OSBPL5: variants seen among roughly 807,000 people sequenced by gnomAD.
The protein encoded by OSBPL5 is oxysterol binding protein like 5.
Under a neutral mutation model 111.2 loss-of-function variants are expected in OSBPL5, and 71 were observed. The ratio of observed to expected loss-of-function variants is 0.64; its 90% CI spans 0.53 to 0.78. The LOEUF (loss-of-function observed/expected upper bound fraction) is 0.78, where lower values mean the gene tolerates loss of function less well. Among genes scored for constraint, OSBPL5 ranks in the 30% least tolerant of loss-of-function variants. The probability of loss-of-function intolerance (pLI) is 0.00; values close to 1 mark genes in which losing one functional copy is unlikely to be tolerated. For synonymous variants in OSBPL5, 549 were observed against 513.9 expected, an observed-to-expected ratio of 1.07 and a Z score of -0.93; for missense variants, 1,210 against 1,189.3, an observed-to-expected ratio of 1.02 and a Z score of -0.26.
At chr11:3,115,362 G>A (rs192080094) in intron 7 of OSBPL5, among the ~76,000 whole-genome samples, 346 of 152,164 alleles carry the variant, frequency 2.3e-3, no homozygotes, top group Non-Finnish European at 3.7e-3. Flanking sequence ...AAGTCCTTGC[G>A]ACATTGAGTT....
chr11:3,124,351 G>A (rs533316802), intron 3 of OSBPL5, among the ~76,000 whole-genome samples: 6 of 152,310 alleles, frequency 3.9e-5, no homozygotes, highest in African/African-American at 1.4e-4. Flanking sequence ...CTGACGATGA[G>A]TGATAAGGAG....
At position 3,092,538 on chromosome 11, in the gene OSBPL5, A is replaced by C; in HGVS notation, c.2153T>G (p.Leu718Arg). 6.3e-7 allele frequency: 1 copy of C among 1,590,456 alleles called. No homozygotes were observed. Among genetic ancestry groups the C allele is most frequent in the Non-Finnish European group, 8.6e-7 (1 of 1,168,574 alleles). ...TTGCTCAAACTGGGCGATGTCCTTC[A>C]GGGGGTCCCAGGGGCTGTGGCTGGA... ...RYEDHSPWDP[L>R]KDIAQFEQDG... Residue 718 changes from leucine (L) to arginine (R), a missense_variant, in exon 19 of 22, where the codon CTG (leucine) becomes CGG (arginine). Physicochemically the swap from Leu to Arg is moderately radical, Grantham distance 102. Transcript: ENST00000263650. This position sits in a 1 kb window ranked among gnomAD's most constrained non-coding sequence, Gnocchi z 5.4.
Position 3,092,852 on chromosome 11 carries a change from T to G in OSBPL5, c.2132+15A>C. ...AGCCCCACCCTGTGGCCCCCAGGGC[T>G]TTGTCGGCACTCACTCCTCGTATCG... On this transcript the variant is annotated intron_variant, in intron 18 of 21. Transcript: ENST00000263650. This position sits in a 1 kb window ranked among gnomAD's most constrained non-coding sequence, Gnocchi z 5.4. 6.6e-7 allele frequency: 1 copy of G among 1,516,710 alleles called. No homozygotes were observed. Among genetic ancestry groups the G allele is most frequent in the Non-Finnish European group, 8.9e-7 (1 of 1,124,142 alleles). The allele number at this position is 1,516,710 out of a possible 1,614,324, so 94.0% of individuals were successfully genotyped here.
chr11:3,095,536 C>T (rs2134391998), intron 14 of OSBPL5, among the ~76,000 whole-genome samples: 1 of 152,118 alleles, frequency 6.6e-6, no homozygotes, highest in East Asian at 1.9e-4. Context: ...CCTGAGCCAA[C>T]TATGGCCCCC....
At chr11:3,151,730 A>G (rs1846593734) in intron 1 of OSBPL5, among the ~76,000 whole-genome samples, 2 of 152,148 alleles carry the variant, frequency 1.3e-5, no homozygotes, top group African/African-American at 4.8e-5. Flanking sequence ...ATGGTCCATG[A>G]CTCGGCAGAT....
At position 3,105,730 on chromosome 11, in the gene OSBPL5, G is replaced by A. The variant is rs1364813504; in HGVS notation, c.1060-1353C>T. Among the ~76,000 whole-genome samples, 3 of 152,080 alleles carry A rather than the reference G, an allele frequency of 2.0e-5. No individual in the cohort carries two copies. The highest frequency in any genetic ancestry group is 3.2e-3 in the Middle Eastern group (1 of 316). ...CCTCTGTGAAGCCTTATCTGTGCTCGGCCTCTGAAGGTTGGGTGCCCGGGC... is the reference window on the plus strand; with the variant it reads ...CCTCTGTGAAGCCTTATCTGTGCTCAGCCTCTGAAGGTTGGGTGCCCGGGC... On this transcript the variant is annotated intron_variant, in intron 9 of 21. Coordinates refer to ENST00000263650, the MANE Select transcript of OSBPL5 (RefSeq NM_020896.4). The surrounding 1 kb of genome is among the most constrained non-coding windows in gnomAD (Gnocchi z 5.2).
chr11:3,149,900 C>T (rs1319476987), intron 1 of OSBPL5, among the ~76,000 whole-genome samples: 2 of 152,198 alleles, frequency 1.3e-5, no homozygotes, highest in East Asian at 3.9e-4. Context: ...CCTCTTTCAT[C>T]CTGACTGCTC....
chr11:3,151,542 G>A (rs1252086682), intron 1 of OSBPL5, among the ~76,000 whole-genome samples: 3 of 152,230 alleles, frequency 2.0e-5, no homozygotes, highest in East Asian at 1.9e-4. Flanking sequence ...TGCTGGGGGT[G>A]CATCCAAACC....
chr11:3,116,608 A>G (rs1376603530), intron 7 of OSBPL5, among the ~76,000 whole-genome samples: 1 of 152,186 alleles, frequency 6.6e-6, no homozygotes, highest in African/African-American at 2.4e-5. Flanking sequence ...TAATCCCAGC[A>G]CTTTGGGAGG....
intron 14 of OSBPL5, among the ~76,000 whole-genome samples, chr11:3,097,108 AG>A (rs1564824878): frequency 1.8e-4 from 3 of 16,568 alleles, no homozygotes; most frequent in Non-Finnish European, 4.6e-4. Context: ...GGAAGATGGG[AG>A]GAGGAGGAGA....
intron 20 of OSBPL5, 41 bp downstream of exon 20, chr11:3,090,517 C>T (rs1218846924): frequency 1.3e-6 from 2 of 1,598,810 alleles, no homozygotes; most frequent in Admixed American, 1.7e-5. Context: ...TGAGGCACCC[C>T]ACCAGACAGA....
chr11:3,151,673 ACT>A (rs1490824806), intron 1 of OSBPL5, among the ~76,000 whole-genome samples: 2 of 152,192 alleles, frequency 1.3e-5, no homozygotes, highest in Non-Finnish European at 2.9e-5. Flanking sequence ...CGCTGAACAC[ACT>A]GTCCTGGCGT....
intron 1 of OSBPL5, among the ~76,000 whole-genome samples, chr11:3,139,939 A>ACAGGAGCTCTTCC (rs1416747230): frequency 1.3e-5 from 2 of 152,320 alleles, no homozygotes; most frequent in African/African-American, 4.8e-5. Flanking sequence ...AAGGACACCA[A>ACAGGAGCTCTTCC]CAGGAGCTCT....
chr11:3,107,392 C>T lies in OSBPL5; in HGVS notation c.930G>A (p.Glu310=), dbSNP rs1282743409. ...FSDKSERENP[E]ESDTETQDHS... is the part of the protein sequence containing the mutation. ...GGTCCTGGGTCTCGGTATCTGACTCCTCAGGGTTCTCTCTCTCCGACTTGT... is the reference window on the plus strand; with the variant it reads ...GGTCCTGGGTCTCGGTATCTGACTCTTCAGGGTTCTCTCTCTCCGACTTGT... Residue 310 remains glutamate (E), a synonymous_variant, in exon 9 of 22, where the codon GAG becomes GAA. Coordinates refer to ENST00000263650, the MANE Select transcript of OSBPL5 (RefSeq NM_020896.4). The surrounding 1 kb of genome is among the most constrained non-coding windows in gnomAD (Gnocchi z 6.1). 1.2e-6 allele frequency: 2 copies of T among 1,614,078 alleles called. No individual in the cohort carries two copies. Among genetic ancestry groups the T allele is most frequent in the Admixed American group, 1.7e-5 (1 of 60,030 alleles).
intron 1 of OSBPL5, chr11:3,164,382 C>T (rs1293665125): frequency 6.6e-6 from 1 of 152,422 alleles, no homozygotes; most frequent in African/African-American, 2.4e-5. Context: ...ACCCCAAACC[C>T]TAACTCCAGT....
chr11:3,108,035 T>A, intron 7 of OSBPL5, 90 bp from the exon 8 acceptor site: 1 of 1,495,042 alleles, frequency 6.7e-7, no homozygotes, highest in Non-Finnish European at 8.9e-7. Flanking sequence ...CCCCTCACTC[T>A]GACTCTTCAG....
At chr11:3,089,786 T>C in intron 21 of OSBPL5, 60 bp downstream of exon 21, 2 of 1,484,776 alleles carry the variant, frequency 1.3e-6, no homozygotes, top group South Asian at 2.4e-5. Context: ...GCCCTAGCTC[T>C]ACCAGGTCTC....
intron 3 of OSBPL5, 59 bp from the exon 4 acceptor site, chr11:3,122,487 C>A (rs925868499): frequency 5.9e-6 from 9 of 1,524,462 alleles, no homozygotes; most frequent in Middle Eastern, 1.7e-4. Flanking sequence ...GGGCTAGGAG[C>A]CCAGGTTGGC....
Position 3,103,860 on chromosome 11 carries a change from G to GCCCCCTTC in OSBPL5, c.1244+332_1244+333insGAAGGGGG, listed in dbSNP as rs1564830743. Among the ~76,000 whole-genome samples the GCCCCCTTC allele has an allele frequency of 5.6e-4, 23 of 41,314 alleles. 2 individuals carry two copies. The highest frequency in any genetic ancestry group is 1.7e-3 in the Admixed American group (7 of 4,006). 27.1% of individuals were successfully genotyped at this position (41,314 alleles called of 152,430 possible). A position where few individuals can be genotyped will look rare whatever the true frequency, so the allele number is the denominator to read the frequency against. On this transcript the variant is annotated intron_variant, in intron 10 of 21. Coordinates refer to ENST00000263650, the MANE Select transcript of OSBPL5 (RefSeq NM_020896.4). Reference sequence around the variant, plus strand: ...CCTCTGCAGCCCCTTTCCAGTCTGCGCAGCCCCCTTCCTGCCTCTGTAGCC... The same window carrying GCCCCCTTC: ...CCTCTGCAGCCCCTTTCCAGTCTGCGCCCCCTTCCAGCCCCCTTCCTGCCTCTGTAGCC...
Sources: gnomAD v4.1 joint callset for allele counts (sites outside exome capture counted in the v4.1 genomes callset) on GRCh38, gnomAD v4.1.1 for gene constraint, Gnocchi (gnomAD v3.1) non-coding constraint, MANE v1.5 for transcripts, NCBI Gene and HGNC (gene_info 2026-07-23, HGNC 2026-07-21) for gene names.